The following KITLG variants were observed in gnomAD, a reference collection of about 807,000 sequenced individuals.
The protein encoded by KITLG is KIT ligand.
KITLG carries 13 observed loss-of-function variants against 34.1 expected under a neutral mutation model. The observed-to-expected ratio is 0.38, with a 90% CI of 0.25 to 0.61. The LOEUF (loss-of-function observed/expected upper bound fraction) is 0.61, where lower values mean the gene tolerates loss of function less well. Among genes scored for constraint, KITLG ranks in the 20% least tolerant of loss-of-function variants. The pLI, the probability that KITLG is intolerant of heterozygous loss-of-function variation, is 0.60. For missense variants in KITLG, 292 were observed against 318.9 expected, an observed-to-expected ratio of 0.92 and a Z score of 0.64; for synonymous variants, 110 against 104.0, an observed-to-expected ratio of 1.06 and a Z score of -0.35.
At position 88,561,653 on chromosome 12, in the gene KITLG, TA is replaced by T. The variant is rs2120955911; in HGVS notation, c.16-15789del. Among the ~76,000 whole-genome samples, 3 of 152,342 alleles carry T rather than the reference TA, an allele frequency of 2.0e-5. No individual in the cohort carries two copies. In the South Asian group the frequency reaches 6.2e-4, roughly 32 times the overall value. On this transcript the variant is annotated intron_variant, in intron 1 of 9. Coordinates refer to ENST00000644744, the MANE Select transcript of KITLG (RefSeq NM_000899.5). The stretch of plus-strand genomic sequence containing the variant: ...CAATGCCTTCCCATTACATTTACAG[TA>T]AGACTCCAACTCCTAATCAAGGCCT...
Position 88,494,565 on chromosome 12 carries a change from A to T in KITLG, c.*2654T>A, listed in dbSNP as rs1868538931. On this transcript the variant is annotated 3_prime_UTR_variant, in exon 10 of 10. Transcript: ENST00000644744. ...ATTAATTTTTCTCTGACTCATTAAAATGTGGCAGTGTGGTAAGCACATTAA... is the reference window on the plus strand; with the variant it reads ...ATTAATTTTTCTCTGACTCATTAAATTGTGGCAGTGTGGTAAGCACATTAA... The T allele has an allele frequency of 6.6e-6, 1 of 152,452 alleles. No homozygotes were observed. The highest frequency in any genetic ancestry group is 2.4e-5 in the African/African-American group (1 of 41,442). The allele number at this position is 152,452 out of a possible 1,614,324, so 9.4% of individuals were successfully genotyped here.
At chr12:88,551,397 A>ATATTGTACACACACTTTGAT (rs1408444380) in intron 1 of KITLG, among the ~76,000 whole-genome samples, 1 of 152,176 alleles carries the variant, frequency 6.6e-6, no homozygotes, top group African/African-American at 2.4e-5. Flanking sequence ...AGTCTTTCTA[A>ATATTGTACACACACTTTGAT]TATTGTACAC....
intron 3 of KITLG, among the ~76,000 whole-genome samples, chr12:88,531,731 ATG>A (rs1870100959): frequency 6.6e-6 from 1 of 152,058 alleles, no homozygotes; most frequent in South Asian, 2.1e-4. Context: ...TTTTAGGGGG[ATG>A]CTTAAGGAAA....
chr12:88,576,489 T>C (rs1871828125), intron 1 of KITLG, among the ~76,000 whole-genome samples: 1 of 152,312 alleles, frequency 6.6e-6, no homozygotes, highest in Middle Eastern at 3.4e-3. Flanking sequence ...TATAGTAAGC[T>C]ACTATGCTGG....
chr12:88,564,431 G>A (rs1871381577), intron 1 of KITLG: 1 of 152,154 alleles, frequency 6.6e-6, no homozygotes, highest in South Asian at 2.1e-4. Flanking sequence ...GGAGAGAATA[G>A]GGATCTACTT....
At chr12:88,522,858 G>T (rs536827583) in intron 3 of KITLG, among the ~76,000 whole-genome samples, 1 of 152,134 alleles carries the variant, frequency 6.6e-6, no homozygotes, top group Non-Finnish European at 1.5e-5. Context: ...TATTCACAGA[G>T]AGATATCTAT....
At chr12:88,549,828 T>C (rs1307915807) in intron 1 of KITLG, among the ~76,000 whole-genome samples, 2 of 152,202 alleles carry the variant, frequency 1.3e-5, no homozygotes, top group African/African-American at 2.4e-5. Context: ...GCGCATGCTA[T>C]GGTGTTCTAA....
At chr12:88,570,760 A>G (rs373555880) in intron 1 of KITLG, among the ~76,000 whole-genome samples, 13 of 152,200 alleles carry the variant, frequency 8.5e-5, no homozygotes, top group Admixed American at 5.2e-4. Flanking sequence ...TTTGTTAAAA[A>G]AAATGATGCC....
At chr12:88,524,511 T>G (rs749801666) in intron 3 of KITLG, among the ~76,000 whole-genome samples, 1 of 152,194 alleles carries the variant, frequency 6.6e-6, no homozygotes, top group Non-Finnish European at 1.5e-5. Flanking sequence ...TTTATATTGA[T>G]TTTAAGGTGA....
intron 2 of KITLG, among the ~76,000 whole-genome samples, chr12:88,541,442 T>C (rs1870514881): frequency 6.6e-6 from 1 of 152,150 alleles, no homozygotes; most frequent in Non-Finnish European, 1.5e-5. Flanking sequence ...TGAGTTAAAT[T>C]GCCTCAAATG....
intron 1 of KITLG, among the ~76,000 whole-genome samples, chr12:88,575,138 C>G (rs1871786490): frequency 6.6e-6 from 1 of 152,080 alleles, no homozygotes; most frequent in African/African-American, 2.4e-5. Context: ...ATTTTAGAAC[C>G]AGAAGGCACT....
chr12:88,532,582 G>A, intron 2 of KITLG, 79 bp from the exon 3 acceptor site: 1 of 962,134 alleles, frequency 1.0e-6, no homozygotes, highest in East Asian at 2.4e-5. Context: ...TTGGAGAAAA[G>A]CACACAAAAC....
At chr12:88,527,090 G>T (rs1325024625) in intron 3 of KITLG, among the ~76,000 whole-genome samples, 1 of 151,838 alleles carries the variant, frequency 6.6e-6, no homozygotes, top group Non-Finnish European at 1.5e-5. Flanking sequence ...GGATGGTCTC[G>T]ATCTCCTGAC....
chr12:88,536,925 T>G (rs1481405880), intron 2 of KITLG, among the ~76,000 whole-genome samples: 1 of 152,092 alleles, frequency 6.6e-6, no homozygotes, highest in Non-Finnish European at 1.5e-5. Context: ...ATGGCACGTG[T>G]ATACCTATGT....
intron 1 of KITLG, among the ~76,000 whole-genome samples, chr12:88,550,993 T>C (rs768306339): frequency 6.6e-6 from 1 of 152,178 alleles, no homozygotes; most frequent in Admixed American, 6.5e-5. Context: ...AATTCAAATA[T>C]CTTACAAAGA....
chr12:88,513,987 A>C lies in KITLG; in HGVS notation c.604+1547T>G, dbSNP rs141675427. Among the ~76,000 whole-genome samples, 730 of 151,812 alleles carry C rather than the reference A, an allele frequency of 4.8e-3. 6 individuals are homozygous for C. Among genetic ancestry groups the C allele is most frequent in the African/African-American group, 0.017 (716 of 41,536 alleles). On this transcript the variant is annotated intron_variant, in intron 6 of 9. Transcript: ENST00000644744. ...AGTTTCAGTACATTTCAAAAAAATT[A>C]TAGAGTATGTTTTCTGACAACAAAA...
chr12:88,516,041 A>G (rs955834836), intron 5 of KITLG, among the ~76,000 whole-genome samples: 7 of 151,788 alleles, frequency 4.6e-5, no homozygotes, highest in African/African-American at 1.7e-4. Flanking sequence ...GAGGTACAGA[A>G]TAATATAATT....
chr12:88,535,365 T>G (rs2120886607), intron 2 of KITLG, among the ~76,000 whole-genome samples: 1 of 152,300 alleles, frequency 6.6e-6, no homozygotes, highest in African/African-American at 2.4e-5. Context: ...GAAACGTGCT[T>G]TATAATTTAA....
chr12:88,519,184 A>G (rs1422383047), intron 3 of KITLG, among the ~76,000 whole-genome samples: 3 of 152,014 alleles, frequency 2.0e-5, no homozygotes, highest in African/African-American at 7.2e-5. Context: ...TTAATATTAC[A>G]TTACTTAAAA....
Sources: gnomAD v4.1 joint callset for allele counts (sites outside exome capture counted in the v4.1 genomes callset) on GRCh38, gnomAD v4.1.1 for gene constraint, MANE v1.5 for transcripts, NCBI Gene and HGNC (gene_info 2026-07-23, HGNC 2026-07-21) for gene names.